Variants in ZDHHC20 observed in about 807,000 individuals in gnomAD.
ZDHHC20 encodes zDHHC palmitoyltransferase 20, also known as palmitoyltransferase ZDHHC20.
ZDHHC20 carries 43 observed loss-of-function variants against 57.8 expected under a neutral mutation model. That is an observed-to-expected ratio of 0.74 (90% CI 0.58 to 0.96). The LOEUF (loss-of-function observed/expected upper bound fraction) is 0.96, where lower values mean the gene tolerates loss of function less well. ZDHHC20 is among the 40% of genes least tolerant of loss of function. The pLI is 0.00. For synonymous variants in ZDHHC20, 157 were observed against 153.0 expected (o/e 1.03, Z -0.19); for missense variants, 391 against 441.1 (o/e 0.89, Z 1.02).
In ZDHHC20 at chr13:21,402,951, T is replaced by A. The variant is rs144710081; in HGVS notation, c.371-85A>T. 6,213 of 988,054 alleles carry A rather than the reference T, an allele frequency of 6.3e-3. 437 individuals are homozygous for A. The Admixed American group carries it at 0.12, about 20-fold the overall frequency. 61.2% of individuals were successfully genotyped at this position (988,054 alleles called of 1,614,324 possible). ...TTAAAACTTGATTTTCTAAAAAAAATAACTCTGGGTAATTGATAACTAATA... is the reference window on the plus strand; with the variant it reads ...TTAAAACTTGATTTTCTAAAAAAAAAAACTCTGGGTAATTGATAACTAATA... On this transcript the variant is annotated intron_variant, in intron 4 of 12. Coordinates refer to ENST00000400590, the MANE Select transcript of ZDHHC20 (RefSeq NM_001330059.2).
chr13:21,457,166 T>C (rs1031299486), intron 1 of ZDHHC20, among the ~76,000 whole-genome samples: 20 of 152,316 alleles, frequency 1.3e-4, no homozygotes, highest in African/African-American at 4.8e-4. Flanking sequence ...TCAGAAGCAA[T>C]TTAAGACTTT....
intron 4 of ZDHHC20, among the ~76,000 whole-genome samples, chr13:21,407,342 A>G (rs550408847): frequency 2.2e-3 from 341 of 152,318 alleles, no homozygotes; most frequent in Non-Finnish European, 3.6e-3. Context: ...GTGAGATGGT[A>G]TCTCATTGTG....
intron 9 of ZDHHC20, among the ~76,000 whole-genome samples, chr13:21,385,799 A>G (rs1874365620): frequency 6.6e-6 from 1 of 152,228 alleles, no homozygotes; most frequent in Admixed American, 6.5e-5. Context: ...AACACCAAGG[A>G]ACCTCATCAA....
intron 1 of ZDHHC20, among the ~76,000 whole-genome samples, chr13:21,440,603 CTCTGTCCAAAA>C (rs1301565750): frequency 6.9e-6 from 1 of 145,682 alleles, no homozygotes; most frequent in East Asian, 1.9e-4. Flanking sequence ...AACAGCAAAA[CTCTGTCCAAAA>C]ACAAACAAAC....
intron 8 of ZDHHC20, among the ~76,000 whole-genome samples, chr13:21,390,878 CAAGAGTGAGACTCTGTCTCAAA>C (rs1875569632): frequency 2.1e-5 from 3 of 146,204 alleles, no homozygotes; most frequent in African/African-American, 7.6e-5. Context: ...CTAGCCAGAG[CAAGAGTGAGACTCTGTCTCAAA>C]AAAAAGAAAA....
At chr13:21,395,500 T>TC (rs1223627481) in intron 7 of ZDHHC20, among the ~76,000 whole-genome samples, 3 of 146,420 alleles carry the variant, frequency 2.0e-5, no homozygotes, top group Non-Finnish European at 3.0e-5. Context: ...TCTTTTCTTT[T>TC]TTTTTTTTTT....
intron 1 of ZDHHC20, among the ~76,000 whole-genome samples, chr13:21,436,586 C>T (rs115912950): frequency 3.2e-4 from 49 of 152,294 alleles, no homozygotes; most frequent in African/African-American, 1.1e-3. Context: ...CATCCATATA[C>T]GATGGAAAAC....
intron 1 of ZDHHC20, among the ~76,000 whole-genome samples, chr13:21,429,479 A>G (rs1354274983): frequency 6.6e-6 from 1 of 152,102 alleles, no homozygotes; most frequent in Non-Finnish European, 1.5e-5. Context: ...ATCTGCTGTT[A>G]TTCTGTTTTT....
chr13:21,411,350 G>A lies in ZDHHC20; in HGVS notation c.370+2302C>T, dbSNP rs78677902. ...ACCGAGTATGTTATATTTTATTGAG[G>A]GCCTTCTATAACACCTTGCCTGGGT... On this transcript the variant is annotated intron_variant, in intron 4 of 12. Transcript: ENST00000400590. Among the ~76,000 whole-genome samples the A allele has an allele frequency of 5.4e-3, 824 of 152,186 alleles. 13 individuals carry two copies. Among genetic ancestry groups the A allele is most frequent in the African/African-American group, 0.019 (788 of 41,508 alleles).
chr13:21,375,222 T>C lies in ZDHHC20; in HGVS notation c.*1474A>G, dbSNP rs1061232. ...ATGTTAGAAGTCATCCAGTCCAACT[T>C]ATTCACAACACCCCCTCCCCTGCAG... is the stretch of plus-strand genomic sequence containing the variant. On this transcript the variant is annotated 3_prime_UTR_variant, in exon 13 of 13. Coordinates refer to ENST00000400590, the MANE Select transcript of ZDHHC20 (RefSeq NM_001330059.2). 95,489 of 454,976 alleles carry C rather than the reference T, an allele frequency of 0.21. 11,477 individuals carry two copies. Among genetic ancestry groups the C allele is most frequent in the African/African-American group, 0.29 (14,558 of 49,980 alleles). 28.2% of individuals were successfully genotyped at this position (454,976 alleles called of 1,614,324 possible). A position where few individuals can be genotyped will look rare whatever the true frequency, so the allele number is the denominator to read the frequency against.
At chr13:21,413,818 T>G in intron 3 of ZDHHC20, 46 bp from the exon 4 acceptor site, 3 of 1,508,344 alleles carry the variant, frequency 2.0e-6, no homozygotes, top group Non-Finnish European at 2.7e-6. Flanking sequence ...TCCCATGATG[T>G]TAATTATCAT....
rs1177272315 is a variant in ZDHHC20 at position 21,376,472 on chromosome 13, A to C, written c.*224T>G. ...TGTAGCTCTAAGTCAATGCTGCACA[A>C]ATGGACACTTAAGATTAAGGCATCA... On this transcript the variant is annotated 3_prime_UTR_variant, in exon 13 of 13. Transcript: ENST00000400590. 14 of 385,970 alleles carry C rather than the reference A, an allele frequency of 3.6e-5. No homozygotes were observed. Among genetic ancestry groups the C allele is most frequent in the Non-Finnish European group, 5.7e-5 (12 of 209,134 alleles). The allele number at this position is 385,970 out of a possible 1,614,324, so 23.9% of individuals were successfully genotyped here. A position where few individuals can be genotyped will look rare whatever the true frequency, so the allele number is the denominator to read the frequency against.
chr13:21,445,807 TAGGC>T (rs1566114278), intron 1 of ZDHHC20, among the ~76,000 whole-genome samples: 2 of 152,102 alleles, frequency 1.3e-5, no homozygotes, highest in Admixed American at 1.3e-4. Flanking sequence ...CAAGTAATAA[TAGGC>T]GCTATGAGGG....
chr13:21,437,927 G>A (rs148881934), intron 1 of ZDHHC20, among the ~76,000 whole-genome samples: 6,800 of 152,242 alleles, frequency 0.045, 175 homozygotes, highest in Middle Eastern at 0.099. Context: ...TCCTGACCTC[G>A]TGATCTGCCC....
chr13:21,447,996 C>T (rs571500509), intron 1 of ZDHHC20, among the ~76,000 whole-genome samples: 2 of 107,916 alleles, frequency 1.9e-5, no homozygotes, highest in Non-Finnish European at 4.1e-5. Flanking sequence ...AGGTGAGGAG[C>T]GTCTCTGCCC....
intron 9 of ZDHHC20, 128 bp downstream of exon 9, chr13:21,387,380 G>T: frequency 1.5e-6 from 1 of 674,714 alleles, no homozygotes; most frequent in Non-Finnish European, 2.1e-6. Flanking sequence ...AAGATATTTT[G>T]AGTTTTCATT....
At chr13:21,446,832 C>T (rs1036094699) in intron 1 of ZDHHC20, among the ~76,000 whole-genome samples, 3 of 152,150 alleles carry the variant, frequency 2.0e-5, no homozygotes, top group African/African-American at 7.2e-5. Flanking sequence ...CACCCTCCCA[C>T]ACCTCTGTCT....
intron 5 of ZDHHC20, among the ~76,000 whole-genome samples, chr13:21,402,239 T>C (rs947779197): frequency 1.3e-5 from 2 of 152,294 alleles, no homozygotes; most frequent in Admixed American, 1.3e-4. Flanking sequence ...TTAACACTGA[T>C]GGGCTTGGAG....
chr13:21,400,595 G>T, intron 6 of ZDHHC20, 102 bp from the exon 7 acceptor site: 1 of 1,202,744 alleles, frequency 8.3e-7, no homozygotes, highest in Non-Finnish European at 1.2e-6. Context: ...GTGGTGTGGG[G>T]AAGGGGAGCT....
Sources: gnomAD v4.1 joint callset for allele counts (sites outside exome capture counted in the v4.1 genomes callset) on GRCh38, gnomAD v4.1.1 for gene constraint, MANE v1.5 for transcripts, NCBI Gene and HGNC (gene_info 2026-07-23, HGNC 2026-07-21) for gene names.